RAP2A: variants seen among roughly 807,000 people sequenced by gnomAD.
The protein encoded by RAP2A is RAP2A, member of RAS oncogene family.
Under a neutral mutation model 15.1 loss-of-function variants are expected in RAP2A, and 5 were observed. The ratio of observed to expected loss-of-function variants is 0.33; its 90% confidence interval spans 0.17 to 0.70. The LOEUF (loss-of-function observed/expected upper bound fraction) is 0.70. RAP2A is among the 30% of genes least tolerant of loss of function. RAP2A has a pLI of 0.68. For missense variants in RAP2A, 111 were observed against 240.3 expected, an observed-to-expected ratio of 0.46 and a Z score of 3.56; for synonymous variants, 110 against 99.7, an observed-to-expected ratio of 1.10 and a Z score of -0.62.
rs144447059 is a variant in RAP2A at position 97,459,017 on chromosome 13, A to G, written c.315-5188A>G. Among the ~76,000 whole-genome samples the G allele has an allele frequency of 6.9e-3, 1,044 of 152,298 alleles. 7 individuals are homozygous for G. Among genetic ancestry groups the G allele is most frequent in the Non-Finnish European group, 0.012 (799 of 68,028 alleles). On this transcript the variant is annotated intron_variant, in intron 1 of 1. Coordinates refer to ENST00000245304, the MANE Select transcript of RAP2A (RefSeq NM_021033.7). ...CACTATGGAAATTCTTGTCAATAAA[A>G]AAGTGTTTGTCCACAGACTACACAC... is the stretch of plus-strand genomic sequence containing the variant.
chr13:97,456,162 C>G (rs1024029134), intron 1 of RAP2A, among the ~76,000 whole-genome samples: 1 of 152,046 alleles, frequency 6.6e-6, no homozygotes, highest in African/African-American at 2.4e-5. Flanking sequence ...CACACATACT[C>G]ACGCTCAAAG....
intron 1 of RAP2A, among the ~76,000 whole-genome samples, chr13:97,462,524 G>A (rs1359974607): frequency 6.6e-6 from 1 of 152,180 alleles, no homozygotes; most frequent in African/African-American, 2.4e-5. Context: ...CCTAGAAGAT[G>A]TTAAAAACCC....
intron 1 of RAP2A, among the ~76,000 whole-genome samples, chr13:97,462,128 T>C (rs1338288193): frequency 2.0e-5 from 3 of 149,034 alleles, no homozygotes; most frequent in Non-Finnish European, 3.0e-5. Flanking sequence ...TCTCAACTAA[T>C]AGAAAGTGAT....
chr13:97,464,700 G>A lies in RAP2A; in HGVS notation c.*258G>A, dbSNP rs924708558. ...GGCATAGTCCATCGATCTACAGGGT[G>A]ATCTCATTTGAAAGCTATGATGGCA... is the stretch of plus-strand genomic sequence containing the variant. On this transcript the variant is annotated 3_prime_UTR_variant, in exon 2 of 2. Transcript: ENST00000245304. 2 of 466,916 alleles carry A rather than the reference G, an allele frequency of 4.3e-6. No individual in the cohort carries two copies. Among genetic ancestry groups the A allele is most frequent in the Non-Finnish European group, 7.6e-6 (2 of 261,644 alleles). The allele number at this position is 466,916 out of a possible 1,614,324, so 28.9% of individuals were successfully genotyped here.
Position 97,434,437 on chromosome 13 carries a change from G to C in RAP2A, c.-34G>C. On this transcript the variant is annotated 5_prime_UTR_variant, in exon 1 of 2. Transcript: ENST00000245304. ...CGCGGCCGGCGTAGGTCTATGTCGC[G>C]GGCGGCGGCGGCGGCGGCGGCCGCG... 1.9e-6 allele frequency: 3 copies of C among 1,543,656 alleles called. No individual in the cohort carries two copies. The highest frequency in any genetic ancestry group is 1.7e-6 in the Non-Finnish European group (2 of 1,144,952).
chr13:97,441,705 C>A, intron 1 of RAP2A: 1 of 418,306 alleles, frequency 2.4e-6, no homozygotes, highest in Non-Finnish European at 4.7e-6. Context: ...TGATTTTTCC[C>A]TGTTTTCTGT....
At chr13:97,439,615 C>T (rs902696828) in intron 1 of RAP2A, among the ~76,000 whole-genome samples, 3 of 152,052 alleles carry the variant, frequency 2.0e-5, no homozygotes, top group Non-Finnish European at 1.5e-5. Flanking sequence ...TTGAATAAAG[C>T]CTGAAAGGTC....
Position 97,434,550 on chromosome 13 carries a change from C to A in RAP2A, c.80C>A (p.Thr27Asn), listed in dbSNP as rs1335996288. The change falls in exon 1 of 2, where the codon ACC becomes AAC. Residue 27 changes from threonine to asparagine, a missense_variant. Physicochemically the swap from Thr to Asn is moderately conservative, Grantham distance 65. Around this residue, in one of 3 missense-constraint regions of RAP2A, gnomAD observed 17 missense variants for 79.7 expected, o/e 0.21. Transcript: ENST00000245304. ...CTGACCGTGCAGTTCGTGACCGGCACCTTCATCGAGAAATACGACCCCACC... is the reference window on the plus strand; with the variant it reads ...CTGACCGTGCAGTTCGTGACCGGCAACTTCATCGAGAAATACGACCCCACC... ...SALTVQFVTG[T>N]FIEKYDPTIE... is the part of the protein sequence containing the mutation. The A allele has an allele frequency of 5.0e-6, 8 of 1,614,048 alleles. No homozygotes were observed. The highest frequency in any genetic ancestry group is 6.8e-6 in the Non-Finnish European group (8 of 1,179,992).
At chr13:97,441,753 A>G (rs1356011098) in intron 1 of RAP2A, 1 of 448,842 alleles carries the variant, frequency 2.2e-6, no homozygotes. Flanking sequence ...TTTTTTACAC[A>G]CTTATATTTT....
In RAP2A at chr13:97,449,636, C is replaced by T. The variant is rs75079105; in HGVS notation, c.315-14569C>T. On this transcript the variant is annotated intron_variant, in intron 1 of 1. Transcript: ENST00000245304. ...TGGCTTGAACCCTGTCAAAATGTAA[C>T]TCTTCATTCTCCATTGGCTGCTGTT... 9.8e-3 allele frequency among the ~76,000 whole-genome samples: 1,495 copies of T among 152,288 alleles called. 27 individuals carry two copies. The highest frequency in any genetic ancestry group is 0.034 in the African/African-American group (1,403 of 41,568).
At chr13:97,446,301 T>C (rs935421156) in intron 1 of RAP2A, among the ~76,000 whole-genome samples, 1 of 152,182 alleles carries the variant, frequency 6.6e-6, no homozygotes, top group Non-Finnish European at 1.5e-5. Flanking sequence ...TCAAATCCCA[T>C]TTGTGCATAT....
In RAP2A at chr13:97,464,543, C is replaced by A; in HGVS notation, c.*101C>A. 1 of 1,037,728 alleles carries A rather than the reference C, an allele frequency of 9.6e-7. No homozygotes were observed. Among genetic ancestry groups the A allele is most frequent in the Non-Finnish European group, 1.5e-6 (1 of 681,006 alleles). 64.3% of individuals were successfully genotyped at this position (1,037,728 alleles called of 1,614,324 possible). A position where few individuals can be genotyped will look rare whatever the true frequency, so the allele number is the denominator to read the frequency against. ...AACTTGCAGAATGCGTGGTGTTAATCTACAGAGAACTGCAGCCCTTATTCA... is the reference window on the plus strand; with the variant it reads ...AACTTGCAGAATGCGTGGTGTTAATATACAGAGAACTGCAGCCCTTATTCA... On this transcript the variant is annotated 3_prime_UTR_variant, in exon 2 of 2. Transcript: ENST00000245304.
At chr13:97,460,666 A>G (rs914995539) in intron 1 of RAP2A, among the ~76,000 whole-genome samples, 2 of 152,184 alleles carry the variant, frequency 1.3e-5, no homozygotes, top group African/African-American at 4.8e-5. Context: ...GATTTCTCCA[A>G]ATGTTACCTT....
chr13:97,445,597 T>C (rs2066676203), intron 1 of RAP2A, among the ~76,000 whole-genome samples: 1 of 152,248 alleles, frequency 6.6e-6, no homozygotes, highest in South Asian at 2.1e-4. Flanking sequence ...CTGTTCTTGC[T>C]GGATGGTCAA....
intron 1 of RAP2A, among the ~76,000 whole-genome samples, chr13:97,456,457 A>T (rs2066723484): frequency 1.3e-5 from 2 of 152,136 alleles, no homozygotes; most frequent in African/African-American, 4.8e-5. Flanking sequence ...TAATGGGCTT[A>T]TGCTATCCTG....
intron 1 of RAP2A, among the ~76,000 whole-genome samples, chr13:97,444,476 A>T (rs1362921759): frequency 6.6e-6 from 1 of 152,204 alleles, no homozygotes; most frequent in East Asian, 1.9e-4. Context: ...ACATGCTGGC[A>T]TAGCTTTTTA....
intron 1 of RAP2A, among the ~76,000 whole-genome samples, chr13:97,444,014 A>T (rs190779071): frequency 4.0e-4 from 61 of 152,326 alleles, no homozygotes; most frequent in African/African-American, 1.4e-3. Context: ...TAGGAATGAA[A>T]CCCAGCCTTT....
At chr13:97,457,226 T>C (rs758702570) in intron 1 of RAP2A, among the ~76,000 whole-genome samples, 1 of 151,810 alleles carries the variant, frequency 6.6e-6, no homozygotes, top group Non-Finnish European at 1.5e-5. Context: ...TGCAAAAGAT[T>C]ATAGGTATAA....
intron 1 of RAP2A, among the ~76,000 whole-genome samples, chr13:97,449,326 C>T (rs532210545): frequency 2.0e-5 from 3 of 152,262 alleles, no homozygotes; most frequent in East Asian, 1.9e-4. Flanking sequence ...AAATTGGAGG[C>T]AAGACCAGTT....
Sources: allele counts gnomAD v4.1 joint callset (sites outside exome capture counted in the v4.1 genomes callset), GRCh38; gene constraint gnomAD v4.1.1; regional missense constraint gnomAD v4.1.1; transcripts MANE v1.5; gene names NCBI Gene and HGNC (gene_info 2026-07-23, HGNC 2026-07-21).